Variants in BICD1 observed in about 807,000 individuals in gnomAD.
BICD1 encodes protein bicaudal D homolog 1.
BICD1 carries 35 observed loss-of-function variants against 92.5 expected under a neutral mutation model. That is an observed-to-expected ratio of 0.38 (90% CI 0.29 to 0.50). The LOEUF is 0.50. Ranked by LOEUF, BICD1 falls within the 20% of genes least tolerant of loss-of-function variation. The pLI, the probability that BICD1 is intolerant of heterozygous loss-of-function variation, is 0.93. For missense variants in BICD1, 950 were observed against 1,189.8 expected, an observed-to-expected ratio of 0.80 and a Z score of 2.97; for synonymous variants, 429 against 465.1, an observed-to-expected ratio of 0.92 and a Z score of 1.00.
intron 2 of BICD1, among the ~76,000 whole-genome samples, chr12:32,292,270 T>G (rs1417672786): frequency 6.6e-6 from 1 of 152,120 alleles, no homozygotes; most frequent in Non-Finnish European, 1.5e-5. Context: ...GGTCTTTGCC[T>G]CCATGGTCAC....
intron 1 of BICD1, among the ~76,000 whole-genome samples, chr12:32,123,716 A>C (rs1001209351): frequency 6.6e-6 from 1 of 152,164 alleles, no homozygotes; most frequent in Middle Eastern, 3.2e-3. Context: ...ATCTCTATTA[A>C]AAATACAAAA....
chr12:32,364,380 C>T (rs113385768), intron 8 of BICD1, among the ~76,000 whole-genome samples: 9,499 of 152,210 alleles, frequency 0.062, 416 homozygotes, highest in Middle Eastern at 0.13. Flanking sequence ...TGCAGCATCT[C>T]AGAGCTACAA....
intron 1 of BICD1, among the ~76,000 whole-genome samples, chr12:32,192,910 A>G (rs12825052): frequency 0.029 from 4,350 of 152,338 alleles, 75 homozygotes; most frequent in Non-Finnish European, 0.04. Context: ...TGAGGATAAA[A>G]TGTGAATGAA....
intron 1 of BICD1, among the ~76,000 whole-genome samples, chr12:32,129,066 C>T (rs1169854735): frequency 2.6e-5 from 4 of 152,018 alleles, no homozygotes; most frequent in Non-Finnish European, 5.9e-5. Flanking sequence ...CTCAGCCTCC[C>T]GAGTAGCTGG....
chr12:32,237,474 A>G (rs960840588), intron 2 of BICD1, among the ~76,000 whole-genome samples: 8 of 152,250 alleles, frequency 5.3e-5, no homozygotes, highest in Non-Finnish European at 1.0e-4. Context: ...CCTTCAGGCT[A>G]GGACTTTCAT....
intron 1 of BICD1, among the ~76,000 whole-genome samples, chr12:32,130,384 T>C (rs940421656): frequency 1.3e-5 from 2 of 152,144 alleles, no homozygotes; most frequent in Middle Eastern, 3.2e-3. Context: ...TTTGTGTTTT[T>C]AGTAGAGACG....
rs1414555484 is a variant in BICD1 at position 32,107,161 on chromosome 12, G to A, written c.-171G>A. ...ATTTCTCGTCAGTTTCTCGGGCGGTGTAGCTGCCGCTGCCACCAGAGCCGG... is the reference window on the plus strand; with the variant it reads ...ATTTCTCGTCAGTTTCTCGGGCGGTATAGCTGCCGCTGCCACCAGAGCCGG... On this transcript the variant is annotated 5_prime_UTR_variant, in exon 1 of 10. Coordinates refer to ENST00000652176, the MANE Select transcript of BICD1 (RefSeq NM_001714.4). 15 of 652,946 alleles carry A rather than the reference G, an allele frequency of 2.3e-5. No individual in the cohort carries two copies. In the South Asian group the frequency reaches 2.7e-4, roughly 12 times the overall value. 40.4% of individuals were successfully genotyped at this position (652,946 alleles called of 1,614,324 possible).
chr12:32,158,414 C>T (rs1230703478), intron 1 of BICD1, among the ~76,000 whole-genome samples: 1 of 151,904 alleles, frequency 6.6e-6, no homozygotes, highest in Non-Finnish European at 1.5e-5. Context: ...GGCCCAAGCC[C>T]AGGAATTGAG....
At chr12:32,165,563 T>C (rs189707871) in intron 1 of BICD1, among the ~76,000 whole-genome samples, 3 of 151,856 alleles carry the variant, frequency 2.0e-5, no homozygotes, top group Admixed American at 2.0e-4. Flanking sequence ...TGCGTGCCTA[T>C]AGTCCCAGCT....
chr12:32,184,470 A>G (rs1051970836), intron 1 of BICD1, among the ~76,000 whole-genome samples: 1 of 152,110 alleles, frequency 6.6e-6, no homozygotes, highest in African/African-American at 2.4e-5. Context: ...TATCTTTATT[A>G]GAGATGGAGT....
intron 2 of BICD1, among the ~76,000 whole-genome samples, chr12:32,256,695 C>A (rs568529548): frequency 6.6e-6 from 1 of 152,302 alleles, no homozygotes; most frequent in Non-Finnish European, 1.5e-5. Context: ...TGTATTCTGA[C>A]CCAGCCACCA....
intron 8 of BICD1, among the ~76,000 whole-genome samples, chr12:32,365,966 A>G (rs1386708048): frequency 6.6e-6 from 1 of 152,234 alleles, no homozygotes; most frequent in East Asian, 1.9e-4. Context: ...AACACCAGCT[A>G]CTAAACAAAA....
intron 4 of BICD1, among the ~76,000 whole-genome samples, chr12:32,318,927 T>G (rs1355599194): frequency 6.6e-6 from 1 of 152,226 alleles, no homozygotes; most frequent in East Asian, 1.9e-4. Flanking sequence ...TTAATTTTAT[T>G]TTTCATTTTT....
intron 1 of BICD1, among the ~76,000 whole-genome samples, chr12:32,114,483 G>A (rs1941816317): frequency 6.6e-6 from 1 of 152,044 alleles, no homozygotes; most frequent in African/African-American, 2.4e-5. Flanking sequence ...CTGGGCTCAA[G>A]CAATCCTCAT....
chr12:32,227,790 C>T (rs1945748732), intron 2 of BICD1: 1 of 154,012 alleles, frequency 6.5e-6, no homozygotes, highest in Non-Finnish European at 1.5e-5. Flanking sequence ...CTTGAAATGC[C>T]ACCTGGAGCA....
intron 2 of BICD1, among the ~76,000 whole-genome samples, chr12:32,234,045 T>G (rs1005494071): frequency 2.0e-5 from 3 of 152,180 alleles, no homozygotes; most frequent in African/African-American, 7.2e-5. Context: ...TACCTCAAAT[T>G]ACACTTTTTA....
chr12:32,153,325 A>T (rs574798033), intron 1 of BICD1, among the ~76,000 whole-genome samples: 3 of 152,210 alleles, frequency 2.0e-5, no homozygotes, highest in Admixed American at 6.5e-5. Context: ...GTTGATGGGA[A>T]CCTAAATTGA....
intron 8 of BICD1, among the ~76,000 whole-genome samples, chr12:32,351,492 A>C (rs1411371618): frequency 6.7e-6 from 1 of 148,332 alleles, no homozygotes; most frequent in Non-Finnish European, 1.5e-5. Context: ...TGTCTCAAAA[A>C]AAAAAAAAAA....
intron 2 of BICD1, among the ~76,000 whole-genome samples, chr12:32,221,770 G>A (rs1450561505): frequency 6.6e-6 from 1 of 152,044 alleles, no homozygotes. Context: ...CAAATTAATA[G>A]TTAATCTTAA....
Sources: allele counts gnomAD v4.1 joint callset (sites outside exome capture counted in the v4.1 genomes callset), GRCh38; gene constraint gnomAD v4.1.1; transcripts MANE v1.5; gene names NCBI Gene and HGNC (gene_info 2026-07-23, HGNC 2026-07-21).